AKAP7: variants seen among roughly 807,000 people sequenced by gnomAD.
The protein encoded by AKAP7 is A-kinase anchoring protein 7.
A neutral mutation model predicts 39.5 loss-of-function variants in AKAP7; 39 were observed. The observed-to-expected ratio is 0.99, with a 90% CI of 0.76 to 1.29. The LOEUF (loss-of-function observed/expected upper bound fraction) is 1.29. AKAP7 is among the 50% of genes most tolerant of loss of function. AKAP7 has a pLI of 0.00. For missense variants in AKAP7, 414 were observed against 407.7 expected (o/e 1.02, Z -0.13); for synonymous variants, 140 against 139.1 (o/e 1.01, Z -0.05).
At chr6:131,250,420 C>A in intron 7 of AKAP7, 1 of 1,461,210 alleles carries the variant, frequency 6.8e-7, no homozygotes, top group Non-Finnish European at 9.1e-7. Flanking sequence ...TCTCCCCCGG[C>A]GGCGTGTGCA....
chr6:131,259,541 AGTTT>A (rs1428971036), intron 7 of AKAP7, among the ~76,000 whole-genome samples: 1 of 152,206 alleles, frequency 6.6e-6, no homozygotes, highest in Admixed American at 6.5e-5. Flanking sequence ...AGTGAGTGTT[AGTTT>A]AACACATTTT....
rs754183798 is a variant in AKAP7 at position 131,160,041 on chromosome 6, T to C, written c.152-18T>C. 6.4e-7 allele frequency: 1 copy of C among 1,567,792 alleles called. No individual in the cohort carries two copies. The highest frequency in any genetic ancestry group is 1.2e-5 in the South Asian group (1 of 82,734). On this transcript the variant is annotated intron_variant, in intron 2 of 7. Transcript: ENST00000431975. ...TGTTTAAATGTATTAGACGTATTGT[T>C]TGACTTTTTTCCTCTAGTCACTGAT... is the stretch of plus-strand genomic sequence containing the variant.
intron 7 of AKAP7, among the ~76,000 whole-genome samples, chr6:131,273,310 T>C (rs1277409974): frequency 2.6e-5 from 4 of 152,154 alleles, no homozygotes; most frequent in African/African-American, 9.6e-5. Flanking sequence ...GTCTAGGCCA[T>C]CTTATGTTTT....
chr6:131,191,368 A>C (rs1177618015), intron 5 of AKAP7, among the ~76,000 whole-genome samples: 2 of 152,172 alleles, frequency 1.3e-5, no homozygotes, highest in African/African-American at 4.8e-5. Flanking sequence ...AAGTTTTGGT[A>C]ATTTATATGA....
intron 7 of AKAP7, chr6:131,253,159 C>T: frequency 1.3e-6 from 2 of 1,525,560 alleles, no homozygotes; most frequent in South Asian, 2.3e-5. Context: ...CCTGCTTTTG[C>T]CGTTTGGTGG....
In AKAP7 at chr6:131,145,269, TTGTGA is replaced by T; in HGVS notation, c.20-14_20-10del. 1 of 1,395,042 alleles carries T rather than the reference TTGTGA, an allele frequency of 7.2e-7. No individual in the cohort carries two copies. The highest frequency in any genetic ancestry group is 9.5e-7 in the Non-Finnish European group (1 of 1,048,042). 86.4% of individuals were successfully genotyped at this position (1,395,042 alleles called of 1,614,324 possible). A position where few individuals can be genotyped will look rare whatever the true frequency, so the allele number is the denominator to read the frequency against. Reference sequence around the variant, plus strand: ...AGTTAAATAATCCTTTTTTTTCTGTTTGTGATATGTTAAAGGAGGAATTAATTCCA... The same window carrying T: ...AGTTAAATAATCCTTTTTTTTCTGTTTATGTTAAAGGAGGAATTAATTCCA... On this transcript the variant is annotated splice_polypyrimidine_tract_variant and intron_variant, in intron 1 of 7. Coordinates refer to ENST00000431975, the MANE Select transcript of AKAP7 (RefSeq NM_016377.4).
At chr6:131,128,449 T>A in the AKAP7 span, among the ~76,000 whole-genome samples, 1 of 152,192 alleles carries the variant, frequency 6.6e-6, no homozygotes, top group Admixed American at 6.5e-5. Context: ...GGTGGATAAT[T>A]TGGCAACACA....
intron 7 of AKAP7, among the ~76,000 whole-genome samples, chr6:131,225,200 G>T (rs958525016): frequency 6.6e-6 from 1 of 152,154 alleles, no homozygotes; most frequent in Non-Finnish European, 1.5e-5. Context: ...CCTTGGGAAT[G>T]AATTCTTGTA....
rs1372092136 is a variant in AKAP7 at position 131,219,479 on chromosome 6, G to T, written c.703-182G>T. 5.9e-5 allele frequency among the ~76,000 whole-genome samples: 9 copies of T among 152,000 alleles called. No individual in the cohort carries two copies. The East Asian group carries it at 1.7e-3, about 29-fold the overall frequency. On this transcript the variant is annotated intron_variant, in intron 6 of 7. Transcript: ENST00000431975. ...TGGTTTTTTAATACAACTCCTTCTA[G>T]GTAGGGAGACTTGAAAAACAACTTC...
At chr6:131,142,800 G>C (rs150403513) in intron 1 of AKAP7, among the ~76,000 whole-genome samples, 2 of 152,370 alleles carry the variant, frequency 1.3e-5, no homozygotes, top group East Asian at 3.9e-4. Context: ...CATCCTGTGA[G>C]AGCAGCCACA....
At chr6:131,278,939 C>G (rs1211332553) in intron 7 of AKAP7, among the ~76,000 whole-genome samples, 1 of 152,090 alleles carries the variant, frequency 6.6e-6, no homozygotes, top group East Asian at 1.9e-4. Context: ...GGTGTGGAAG[C>G]CTCTGAGGAG....
rs566409290 is a variant in AKAP7, at chr6:131,243,414, C to T, written c.850+23606C>T. Among the ~76,000 whole-genome samples, 9 of 152,178 alleles carry T rather than the reference C, an allele frequency of 5.9e-5. No individual in the cohort carries two copies. In the East Asian group the frequency reaches 1.5e-3, roughly 26 times the overall value. On this transcript the variant is annotated intron_variant, in intron 7 of 7. Coordinates refer to ENST00000431975, the MANE Select transcript of AKAP7 (RefSeq NM_016377.4). ...CTAATCAGAATGAATACTGACATGG[C>T]GTATCGGAGGCATGTCAGCCGGGGC...
chr6:131,187,093 T>C (rs1805939382), intron 5 of AKAP7, among the ~76,000 whole-genome samples: 2 of 152,232 alleles, frequency 1.3e-5, no homozygotes, highest in African/African-American at 2.4e-5. Flanking sequence ...ATTGTTTTGC[T>C]ATTCAGAGAT....
chr6:131,167,878 T>G (rs1308137578), intron 4 of AKAP7, among the ~76,000 whole-genome samples: 1 of 152,192 alleles, frequency 6.6e-6, no homozygotes, highest in Non-Finnish European at 1.5e-5. Context: ...AACACTTGGC[T>G]GAACAAATCA....
intron 7 of AKAP7, among the ~76,000 whole-genome samples, chr6:131,255,732 C>G (rs1328408179): frequency 6.6e-6 from 1 of 152,154 alleles, no homozygotes; most frequent in African/African-American, 2.4e-5. Flanking sequence ...GCTTCAGTTC[C>G]TCAGATTTAA....
chr6:131,224,904 C>G (rs1315945802), intron 7 of AKAP7, among the ~76,000 whole-genome samples: 1 of 151,606 alleles, frequency 6.6e-6, no homozygotes, highest in Non-Finnish European at 1.5e-5. Context: ...GTGTGCGCCA[C>G]CATGCCCGGC....
chr6:131,269,583 CA>C (rs1157792067), intron 7 of AKAP7, among the ~76,000 whole-genome samples: 1 of 152,124 alleles, frequency 6.6e-6, no homozygotes, highest in Non-Finnish European at 1.5e-5. Context: ...AAGGCAAAAC[CA>C]GTCAGCAAAA....
At chr6:131,163,541 G>A (rs1263253828) in intron 3 of AKAP7, among the ~76,000 whole-genome samples, 3 of 152,142 alleles carry the variant, frequency 2.0e-5, no homozygotes, top group Admixed American at 6.5e-5. Context: ...TGGCCTCTAC[G>A]TGTTGGCATC....
At position 131,236,852 on chromosome 6, in the gene AKAP7, CAG is replaced by C. The variant is rs552916838; in HGVS notation, c.850+17045_850+17046del. Among the ~76,000 whole-genome samples, 395 of 152,294 alleles carry C rather than the reference CAG, an allele frequency of 2.6e-3. 6 individuals carry two copies. Among genetic ancestry groups the C allele is most frequent in the Admixed American group, 0.025 (379 of 15,300 alleles). Reference sequence around the variant, plus strand: ...GATATACAATCATGTCATCTGCAAACAGGGGCAATTTGATTTCCTCTTTTCCT... The same window carrying C: ...GATATACAATCATGTCATCTGCAAACGGGCAATTTGATTTCCTCTTTTCCT... On this transcript the variant is annotated intron_variant, in intron 7 of 7. Transcript: ENST00000431975.
Sources: allele counts gnomAD v4.1 joint callset (sites outside exome capture counted in the v4.1 genomes callset), GRCh38; gene constraint gnomAD v4.1.1; transcripts MANE v1.5; gene names NCBI Gene and HGNC (gene_info 2026-07-23, HGNC 2026-07-21).